AFF2: variants seen among roughly 807,000 people sequenced by gnomAD.
AFF2 encodes ALF transcription elongation factor 2, also known as AF4/FMR2 family member 2.
AFF2 carries 14 observed loss-of-function variants against 76.9 expected under a neutral mutation model. The ratio of observed to expected loss-of-function variants is 0.18; its 90% CI spans 0.12 to 0.28. The LOEUF is 0.28. AFF2 is among the 10% of genes least tolerant of loss of function. The pLI, the probability that AFF2 is intolerant of heterozygous loss-of-function variation, is 1.00. For synonymous variants in AFF2, 398 were observed against 366.7 expected (o/e 1.09, Z -0.98); for missense variants, 868 against 1,001.1 (o/e 0.87, Z 1.79).
At chrX:148,532,426 C>T (rs993094470) in intron 1 of AFF2, among the ~76,000 whole-genome samples, 45 of 112,010 alleles carry the variant, frequency 4.0e-4, no homozygotes, top group African/African-American at 1.4e-3. Flanking sequence ...TTGTGCATTT[C>T]AGTAAGATTT....
At chrX:148,583,171 A>G (rs1907407678) in intron 1 of AFF2, among the ~76,000 whole-genome samples, 1 of 111,809 alleles carries the variant, frequency 8.9e-6, no homozygotes, top group Admixed American at 9.5e-5. Flanking sequence ...TCTGGAATTA[A>G]TAATGGTTAT....
intron 1 of AFF2, among the ~76,000 whole-genome samples, chrX:148,578,031 C>T (rs1193515088): frequency 2.7e-5 from 3 of 112,578 alleles, no homozygotes; most frequent in Admixed American, 1.9e-4. Flanking sequence ...TCCCCAAATT[C>T]TTTCTTTATT....
intron 7 of AFF2, among the ~76,000 whole-genome samples, chrX:148,858,259 G>A (rs929523640): frequency 1.9e-3 from 216 of 111,465 alleles, no homozygotes; most frequent in Non-Finnish European, 2.7e-3. Context: ...TTATGGTGTA[G>A]TTTGGCTGCA....
intron 3 of AFF2, among the ~76,000 whole-genome samples, chrX:148,809,113 G>A (rs782117461): frequency 1.8e-5 from 2 of 111,645 alleles, no homozygotes; most frequent in African/African-American, 6.5e-5. Flanking sequence ...CCTAAAACCT[G>A]CACAGATAAT....
intron 10 of AFF2, 115 bp downstream of exon 10, chrX:148,953,854 ATAAT>A: frequency 3.0e-6 from 2 of 668,454 alleles, no homozygotes; most frequent in East Asian, 3.5e-5. Context: ...ACAATAATTA[ATAAT>A]TAATTTAGCA....
chrX:148,502,613 A>C (rs2052365603), intron 1 of AFF2, among the ~76,000 whole-genome samples: 1 of 112,505 alleles, frequency 8.9e-6, no homozygotes, highest in Admixed American at 9.4e-5. Context: ...AATTACTATA[A>C]AATTATTGCT....
intron 9 of AFF2, among the ~76,000 whole-genome samples, chrX:148,927,270 A>G: frequency 8.9e-6 from 1 of 112,082 alleles, no homozygotes; most frequent in Non-Finnish European, 1.9e-5. Flanking sequence ...CAAGGCAGAG[A>G]ATATGTGTTG....
At chrX:148,858,122 C>T (rs1456753043) in intron 7 of AFF2, among the ~76,000 whole-genome samples, 3 of 111,170 alleles carry the variant, frequency 2.7e-5, no homozygotes, top group South Asian at 3.8e-4. Flanking sequence ...TTCAAAGCAA[C>T]GTTTCTTATA....
chrX:148,983,951 G>GAAAAAAAAAAAAAAAAAAAAAAAAA (rs1569558020), intron 19 of AFF2, among the ~76,000 whole-genome samples: 1 of 2,851 alleles, frequency 3.5e-4, no homozygotes, highest in Non-Finnish European at 0.013. Context: ...GAGTGAAATA[G>GAAAAAAAAAAAAAAAAAAAAAAAAA]ACAAAAAAAA....
At chrX:148,701,007 AGAGAATGTGTGTGTGTG>A (rs1569553600) in intron 3 of AFF2, among the ~76,000 whole-genome samples, 123 of 83,138 alleles carry the variant, frequency 1.5e-3, no homozygotes, top group African/African-American at 5.5e-3. Context: ...AGAGAGAGAG[AGAGAATGTGTGTGTGTG>A]TGTGTGTGTG....
At position 148,934,291 on chromosome X, in the gene AFF2, GT is replaced by G. The variant is rs199552216; in HGVS notation, c.1398-19286del. ...CATAACCGATCTTATCCAGATGGGG[GT>G]TTAGGCAGTTGATGGACTCACTCAT... On this transcript the variant is annotated intron_variant, in intron 9 of 20. Coordinates refer to ENST00000370460, the MANE Select transcript of AFF2 (RefSeq NM_002025.4). Among the ~76,000 whole-genome samples, 663 of 112,375 alleles carry G rather than the reference GT, an allele frequency of 5.9e-3. 4 individuals carry two copies. Among genetic ancestry groups the G allele is most frequent in the African/African-American group, 0.02 (627 of 30,984 alleles).
In AFF2 at chrX:148,745,805, C is replaced by A. The variant is rs191703434; in HGVS notation, c.1042-64071C>A. ...TCGCCAACGCTGGGGTGTAGTGGTG[C>A]GATCTCGGTTCACTGCAACCTCTGC... On this transcript the variant is annotated intron_variant, in intron 3 of 20. Transcript: ENST00000370460. Among the ~76,000 whole-genome samples, 743 of 110,720 alleles carry A rather than the reference C, an allele frequency of 6.7e-3. 7 individuals carry two copies. The highest frequency in any genetic ancestry group is 0.023 in the African/African-American group (703 of 30,373).
chrX:148,513,134 C>T (rs2052499984), intron 1 of AFF2, among the ~76,000 whole-genome samples: 1 of 112,175 alleles, frequency 8.9e-6, no homozygotes, highest in Admixed American at 9.4e-5. Context: ...ATTCTTAAAC[C>T]TGGAGTACAT....
At chrX:148,651,711 T>C (rs1441561461) in intron 1 of AFF2, among the ~76,000 whole-genome samples, 1 of 87,658 alleles carries the variant, frequency 1.1e-5, no homozygotes, top group Non-Finnish European at 2.2e-5. Context: ...AGTATGTAAT[T>C]GCTTATAATA....
At chrX:148,575,938 T>G (rs1557243366) in intron 1 of AFF2, among the ~76,000 whole-genome samples, 1 of 110,542 alleles carries the variant, frequency 9.0e-6, no homozygotes, top group Non-Finnish European at 1.9e-5. Flanking sequence ...GTGTGTTGTT[T>G]CTAGCTTTCT....
intron 12 of AFF2, among the ~76,000 whole-genome samples, chrX:148,961,618 G>A (rs1240097409): frequency 8.9e-6 from 1 of 112,005 alleles, no homozygotes; most frequent in African/African-American, 3.2e-5. Flanking sequence ...GTGGGCCAAG[G>A]AGTCTGCATT....
intron 1 of AFF2, among the ~76,000 whole-genome samples, chrX:148,571,451 G>A (rs959521147): frequency 9.0e-6 from 1 of 111,582 alleles, no homozygotes; most frequent in Non-Finnish European, 1.9e-5. Context: ...GTAAGTTTGG[G>A]TCTGAAAGAT....
chrX:148,805,937 C>G (rs2070125765), intron 3 of AFF2, among the ~76,000 whole-genome samples: 2 of 112,594 alleles, frequency 1.8e-5, no homozygotes, highest in South Asian at 3.7e-4. Context: ...AGCTTGCTTT[C>G]TGCTCCAGGA....
intron 1 of AFF2, among the ~76,000 whole-genome samples, chrX:148,543,305 T>C (rs1434110737): frequency 2.7e-5 from 3 of 111,937 alleles, no homozygotes; most frequent in African/African-American, 9.7e-5. Context: ...GAATCTTATG[T>C]GCAATGACTA....
Sources: allele counts gnomAD v4.1 joint callset (sites outside exome capture counted in the v4.1 genomes callset), GRCh38; gene constraint gnomAD v4.1.1; transcripts MANE v1.5; gene names NCBI Gene and HGNC (gene_info 2026-07-23, HGNC 2026-07-21).